The following RAB11FIP3 variants were observed in gnomAD, a reference collection of about 807,000 sequenced individuals.
The protein encoded by RAB11FIP3 is RAB11 family interacting protein 3.
In RAB11FIP3, 17 loss-of-function variants were observed where a neutral mutation model predicts 77.8. The ratio of observed to expected loss-of-function variants is 0.22; its 90% CI spans 0.15 to 0.33. The LOEUF is 0.33. Ranked by LOEUF, RAB11FIP3 falls within the 10% of genes least tolerant of loss-of-function variation. RAB11FIP3 has a pLI of 1.00. For synonymous variants in RAB11FIP3, 437 were observed against 448.2 expected (o/e 0.98, Z 0.31); for missense variants, 1,005 against 1,011.2 (o/e 0.99, Z 0.08).
chr16:466,582 A>G (rs1179843365), intron 2 of RAB11FIP3, among the ~76,000 whole-genome samples: 1 of 152,190 alleles, frequency 6.6e-6, no homozygotes, highest in African/African-American at 2.4e-5. Flanking sequence ...CTGTCTGGGA[A>G]GCCTGGGGGC....
rs1567123332 is a variant in RAB11FIP3 at position 520,984 on chromosome 16, C to A, written c.*145C>A. On this transcript the variant is annotated 3_prime_UTR_variant, in exon 14 of 14. Transcript: ENST00000262305. The stretch of plus-strand genomic sequence containing the variant: ...GAACCCTCGTGCAGCTGAGCTGGGG[C>A]CGCCAAAGACCGGGGCTGCCAAAGG... 1.5e-6 allele frequency: 1 copy of A among 683,366 alleles called. No individual in the cohort carries two copies. The highest frequency in any genetic ancestry group is 2.6e-6 in the Non-Finnish European group (1 of 388,810). The allele number at this position is 683,366 out of a possible 1,614,324, so 42.3% of individuals were successfully genotyped here.
chr16:474,982 A>AGTG, intron 3 of RAB11FIP3: 1 of 1,551,608 alleles, frequency 6.4e-7, no homozygotes, highest in East Asian at 2.4e-5. Context: ...GAGAAAAGCC[A>AGTG]GTGACCCGGT....
chr16:470,545 T>TTA (rs1431640105), intron 2 of RAB11FIP3, among the ~76,000 whole-genome samples: 4 of 152,252 alleles, frequency 2.6e-5, no homozygotes, highest in Admixed American at 2.0e-4. Flanking sequence ...GTTGAATTAA[T>TTA]AGTGAGACAG....
chr16:499,519 C>T (rs910053504), intron 6 of RAB11FIP3, among the ~76,000 whole-genome samples: 4 of 152,258 alleles, frequency 2.6e-5, no homozygotes, highest in East Asian at 1.9e-4. Context: ...CAATCTGAGC[C>T]GGACGCAGTG....
At chr16:504,035 CTACCTCCTGTACCCCCTCA>C in intron 7 of RAB11FIP3, among the ~76,000 whole-genome samples, 1 of 60,638 alleles carries the variant, frequency 1.6e-5, no homozygotes, top group African/African-American at 6.7e-5. Flanking sequence ...TACCCCCTCA[CTACCTCCTGTACCCCCTCA>C]CCTCCTCCTG....
chr16:441,513 A>T (rs1036600446), intron 1 of RAB11FIP3, among the ~76,000 whole-genome samples: 1 of 152,162 alleles, frequency 6.6e-6, no homozygotes, highest in Non-Finnish European at 1.5e-5. Flanking sequence ...GATGAAAATT[A>T]ATTATTTGAA....
intron 1 of RAB11FIP3, among the ~76,000 whole-genome samples, chr16:431,617 C>A (rs966326143): frequency 2.0e-5 from 3 of 152,130 alleles, no homozygotes; most frequent in Admixed American, 2.0e-4. Context: ...TCAAGTGATC[C>A]ACCTGCCTCA....
At chr16:459,525 C>T (rs1185081594) in intron 1 of RAB11FIP3, among the ~76,000 whole-genome samples, 1 of 151,758 alleles carries the variant, frequency 6.6e-6, no homozygotes, top group African/African-American at 2.4e-5. Flanking sequence ...CAACCTCCGC[C>T]TCCCGGGTTC....
intron 5 of RAB11FIP3, among the ~76,000 whole-genome samples, chr16:494,799 C>T (rs112586038): frequency 1.0e-3 from 153 of 148,070 alleles, no homozygotes; most frequent in African/African-American, 4.0e-3. Flanking sequence ...GAGGTCGAGG[C>T]TGCAGAGGTG....
At position 496,350 on chromosome 16, in the gene RAB11FIP3, A is replaced by G. The variant is rs551869023; in HGVS notation, c.1266-474A>G. Among the ~76,000 whole-genome samples the G allele has an allele frequency of 2.0e-3, 312 of 152,358 alleles. 4 individuals are homozygous for G. Among genetic ancestry groups the G allele is most frequent in the African/African-American group, 7.3e-3 (302 of 41,588 alleles). On this transcript the variant is annotated intron_variant, in intron 5 of 13. Coordinates refer to ENST00000262305, the MANE Select transcript of RAB11FIP3 (RefSeq NM_014700.4). ...TACTGCCCTGAAATGGCAACGGGAA[A>G]GGTTTCCAAACTGATGCCTAGGCAG...
At chr16:511,085 G>T (rs1390348089) in intron 9 of RAB11FIP3, among the ~76,000 whole-genome samples, 1 of 130,462 alleles carries the variant, frequency 7.7e-6, no homozygotes, top group African/African-American at 3.1e-5. Context: ...AGAACCTGCA[G>T]GCCAGGTAGG....
intron 1 of RAB11FIP3, among the ~76,000 whole-genome samples, chr16:442,001 G>A (rs1417356067): frequency 1.3e-5 from 2 of 152,182 alleles, no homozygotes; most frequent in African/African-American, 4.8e-5. Context: ...ACCACGCCTG[G>A]CTAATTTTTT....
At chr16:430,943 G>T (rs2055025318) in intron 1 of RAB11FIP3, among the ~76,000 whole-genome samples, 1 of 152,252 alleles carries the variant, frequency 6.6e-6, no homozygotes, top group South Asian at 2.1e-4. Context: ...TCGGGCCTCA[G>T]CCTCTCAAAG....
chr16:473,421 CG>C (rs2055843699), intron 3 of RAB11FIP3, among the ~76,000 whole-genome samples: 1 of 151,826 alleles, frequency 6.6e-6, no homozygotes, highest in African/African-American at 2.4e-5. Context: ...TCCGGGATCA[CG>C]TTACATGATT....
At chr16:432,104 C>T (rs775609843) in intron 1 of RAB11FIP3, among the ~76,000 whole-genome samples, 33 of 152,036 alleles carry the variant, frequency 2.2e-4, no homozygotes, top group Non-Finnish European at 4.0e-4. Flanking sequence ...AGAAACTGGC[C>T]TGGCGCGGTA....
intron 4 of RAB11FIP3, among the ~76,000 whole-genome samples, chr16:484,646 T>A (rs1003544811): frequency 6.6e-6 from 1 of 152,192 alleles, no homozygotes; most frequent in Admixed American, 6.5e-5. Context: ...AGCCACCGCG[T>A]CTGGCCGTAT....
At chr16:503,172 A>T (rs2031626497) in intron 7 of RAB11FIP3, 75 bp downstream of exon 7, 2 of 1,251,402 alleles carry the variant, frequency 1.6e-6, no homozygotes, top group South Asian at 2.6e-5. Flanking sequence ...CGCTGCAGAC[A>T]CCCCGGGAGG....
At chr16:485,474 G>A (rs1288014319) in intron 4 of RAB11FIP3, among the ~76,000 whole-genome samples, 1 of 151,908 alleles carries the variant, frequency 6.6e-6, no homozygotes, top group South Asian at 2.1e-4. Context: ...GTGCAGTGGC[G>A]CCATCTTGGC....
chr16:450,992 C>T (rs575677947), intron 1 of RAB11FIP3, among the ~76,000 whole-genome samples: 1 of 152,138 alleles, frequency 6.6e-6, no homozygotes, highest in South Asian at 2.1e-4. Flanking sequence ...AATGTGTGGA[C>T]TCTTTGGTTG....
Sources: allele counts gnomAD v4.1 joint callset (sites outside exome capture counted in the v4.1 genomes callset), GRCh38; gene constraint gnomAD v4.1.1; transcripts MANE v1.5; gene names NCBI Gene and HGNC (gene_info 2026-07-23, HGNC 2026-07-21).